The following TBCD variants were observed in gnomAD, a reference collection of about 807,000 sequenced individuals.
TBCD encodes the protein tubulin-specific chaperone D.
Under a neutral mutation model 169.3 loss-of-function variants are expected in TBCD, and 105 were observed. The observed-to-expected ratio is 0.62, with a 90% CI of 0.53 to 0.73. The LOEUF is 0.73. Ranked by LOEUF, TBCD falls within the 30% of genes least tolerant of loss-of-function variation. The probability of loss-of-function intolerance (pLI) is 0.00; values close to 1 mark genes in which losing one functional copy is unlikely to be tolerated. For missense variants in TBCD, 1,444 were observed against 1,600.1 expected (o/e 0.90, Z 1.66); for synonymous variants, 700 against 643.9 (o/e 1.09, Z -1.32).
In TBCD at chr17:82,875,981, A is replaced by G. The variant is rs77242156; in HGVS notation, c.1475+5601A>G. 7.4e-3 allele frequency among the ~76,000 whole-genome samples: 1,121 copies of G among 152,378 alleles called. 12 individuals are homozygous for G. Among genetic ancestry groups the G allele is most frequent in the African/African-American group, 0.026 (1,082 of 41,590 alleles). ...ATATGATTTGCAACTTTCAAAAAAC[A>G]GGATGGCTAAATAACAAATTACTAG... On this transcript the variant is annotated intron_variant, in intron 14 of 38. Coordinates refer to ENST00000355528, the MANE Select transcript of TBCD (RefSeq NM_005993.5).
intron 13 of TBCD, among the ~76,000 whole-genome samples, chr17:82,853,569 A>G (rs1177599310): frequency 6.8e-6 from 1 of 148,078 alleles, no homozygotes; most frequent in Non-Finnish European, 1.5e-5. Flanking sequence ...CACCCAGCTC[A>G]TTTTTTCTTT....
At chr17:82,931,835 G>C (rs1275325324) in intron 33 of TBCD, 1 of 152,316 alleles carries the variant, frequency 6.6e-6, no homozygotes, top group African/African-American at 2.4e-5. Context: ...GGCTCACACA[G>C]AGGCGAATGT....
chr17:82,941,748 C>T (rs1220910592), intron 38 of TBCD: 1 of 511,496 alleles, frequency 2.0e-6, no homozygotes, highest in South Asian at 2.6e-5. Flanking sequence ...CCAGCTTGAT[C>T]CAGGCTCCTC....
chr17:82,813,656 A>T (rs998545915), intron 12 of TBCD, among the ~76,000 whole-genome samples: 2 of 152,234 alleles, frequency 1.3e-5, no homozygotes, highest in African/African-American at 4.8e-5. Flanking sequence ...TGTCAAGTTC[A>T]TTCAGATGTT....
chr17:82,891,008 C>T (rs895523444), intron 16 of TBCD, among the ~76,000 whole-genome samples: 1 of 152,246 alleles, frequency 6.6e-6, no homozygotes, highest in African/African-American at 2.4e-5. Flanking sequence ...GGCTTCCAGC[C>T]CCTCCAGAGC....
At chr17:82,870,121 T>A in intron 13 of TBCD, 103 bp from the exon 14 acceptor site, 1 of 1,513,690 alleles carries the variant, frequency 6.6e-7, no homozygotes, top group South Asian at 1.2e-5. Context: ...CTCACTCATC[T>A]GGCACCGTGA....
At chr17:82,939,841 G>A (rs1359095316) in intron 37 of TBCD, among the ~76,000 whole-genome samples, 1 of 152,226 alleles carries the variant, frequency 6.6e-6, no homozygotes, top group East Asian at 1.9e-4. Context: ...AATAGGCCGT[G>A]TGAGCACCTG....
At chr17:82,826,244 T>A (rs928803257) in intron 13 of TBCD, among the ~76,000 whole-genome samples, 1 of 152,142 alleles carries the variant, frequency 6.6e-6, no homozygotes. Context: ...ATTATTTTTT[T>A]AACTATACTT....
At chr17:82,858,188 A>C (rs1236155837) in intron 13 of TBCD, among the ~76,000 whole-genome samples, 1 of 152,170 alleles carries the variant, frequency 6.6e-6, no homozygotes, top group Non-Finnish European at 1.5e-5. Flanking sequence ...TGCTGGGATT[A>C]CGAACATGAG....
Position 82,874,418 on chromosome 17 carries a change from CT to C in TBCD, c.1475+4039del, listed in dbSNP as rs976641157. On this transcript the variant is annotated intron_variant, in intron 14 of 38. Transcript: ENST00000355528. This position sits in a 1 kb window ranked among gnomAD's most constrained non-coding sequence, Gnocchi z 5.0. ...TGGTTTTTGGAGGTCCTGGGTGCGT[CT>C]CCACCATGGCTCCCGGGTTCCCTTG... 2.0e-5 allele frequency among the ~76,000 whole-genome samples: 3 copies of C among 152,140 alleles called. No homozygotes were observed. Among genetic ancestry groups the C allele is most frequent in the Non-Finnish European group, 4.4e-5 (3 of 68,006 alleles).
chr17:82,883,514 G>T (rs1246387345), intron 14 of TBCD, among the ~76,000 whole-genome samples: 3 of 152,204 alleles, frequency 2.0e-5, no homozygotes, highest in Non-Finnish European at 2.9e-5. Flanking sequence ...AGTGTGGCTC[G>T]CATGGGGGCA....
intron 13 of TBCD, among the ~76,000 whole-genome samples, chr17:82,856,427 T>C (rs116126133): frequency 0.01 from 1,549 of 151,848 alleles, 27 homozygotes; most frequent in African/African-American, 0.036. Flanking sequence ...GGCTAGATGG[T>C]GAGACCCTGT....
At position 82,782,540 on chromosome 17, in the gene TBCD, CTATG is replaced by C. The variant is rs1447411346; in HGVS notation, c.771+822_771+825del. Among the ~76,000 whole-genome samples the C allele has an allele frequency of 6.6e-6, 1 of 152,144 alleles. No homozygotes were observed. The highest frequency in any genetic ancestry group is 2.4e-5 in the African/African-American group (1 of 41,422). Reference sequence around the variant, plus strand: ...TATATTTTATAGAGACAGGGTCTTGCTATGTAGGTCAGGGTGGTCTTAAACTCCT... The same window carrying C: ...TATATTTTATAGAGACAGGGTCTTGCTAGGTCAGGGTGGTCTTAAACTCCT... On this transcript the variant is annotated intron_variant, in intron 7 of 38. Coordinates refer to ENST00000355528, the MANE Select transcript of TBCD (RefSeq NM_005993.5). The surrounding 1 kb of genome is among the most constrained non-coding windows in gnomAD (Gnocchi z 5.1).
At position 82,806,257 on chromosome 17, in the gene TBCD, C is replaced by G. The variant is rs1222903473; in HGVS notation, c.1087+246C>G. ...CCCACCGCCTCGCCTCCTTCCTGAC[C>G]TGGGCTGCCTGTTCTGGGCAGCTGG... On this transcript the variant is annotated intron_variant, in intron 10 of 38. Coordinates refer to ENST00000355528, the MANE Select transcript of TBCD (RefSeq NM_005993.5). This position sits in a 1 kb window ranked among gnomAD's most constrained non-coding sequence, Gnocchi z 5.1. Among the ~76,000 whole-genome samples the G allele has an allele frequency of 6.6e-6, 1 of 152,162 alleles. No individual in the cohort carries two copies. Among genetic ancestry groups the G allele is most frequent in the African/African-American group, 2.4e-5 (1 of 41,438 alleles).
At chr17:82,861,042 G>A (rs1002222856) in intron 13 of TBCD, among the ~76,000 whole-genome samples, 5 of 152,158 alleles carry the variant, frequency 3.3e-5, no homozygotes, top group Non-Finnish European at 5.9e-5. Flanking sequence ...GTAAAACCGC[G>A]GCCCGTTGCA....
chr17:82,875,968 A>T lies in TBCD; in HGVS notation c.1475+5588A>T, dbSNP rs147075043. Among the ~76,000 whole-genome samples the T allele has an allele frequency of 8.3e-4, 126 of 152,362 alleles. 1 individual carries two copies. Among genetic ancestry groups the T allele is most frequent in the African/African-American group, 3.0e-3 (125 of 41,580 alleles). On this transcript the variant is annotated intron_variant, in intron 14 of 38. Coordinates refer to ENST00000355528, the MANE Select transcript of TBCD (RefSeq NM_005993.5). The stretch of plus-strand genomic sequence containing the variant: ...ATAGGCAGGTCCGATATGATTTGCA[A>T]CTTTCAAAAAACAGGATGGCTAAAT...
At chr17:82,931,780 C>A (rs1269471584) in intron 33 of TBCD, among the ~76,000 whole-genome samples, 1 of 152,206 alleles carries the variant, frequency 6.6e-6, no homozygotes, top group African/African-American at 2.4e-5. Context: ...AGGGGACCTC[C>A]CCAGCCTCCT....
intron 13 of TBCD, among the ~76,000 whole-genome samples, chr17:82,815,673 T>C (rs937311773): frequency 6.6e-6 from 1 of 152,114 alleles, no homozygotes; most frequent in Non-Finnish European, 1.5e-5. Flanking sequence ...CAGGATAGAG[T>C]GGGGGCCCAT....
At position 82,854,086 on chromosome 17, in the gene TBCD, A is replaced by G. The variant is rs76105439; in HGVS notation, c.1319-16138A>G. 7.4e-3 allele frequency among the ~76,000 whole-genome samples: 1,125 copies of G among 152,300 alleles called. 8 individuals are homozygous for G. Among genetic ancestry groups the G allele is most frequent in the African/African-American group, 0.026 (1,072 of 41,552 alleles). On this transcript the variant is annotated intron_variant, in intron 13 of 38. Transcript: ENST00000355528. ...TTAGCCTACCCTCCAAGTAACACAC[A>G]GCACACCCTGACCTCGATCACTTTC... is the stretch of plus-strand genomic sequence containing the variant.
Sources: allele counts gnomAD v4.1 joint callset (sites outside exome capture counted in the v4.1 genomes callset), GRCh38; gene constraint gnomAD v4.1.1; non-coding constraint Gnocchi (gnomAD v3.1); transcripts MANE v1.5; gene names NCBI Gene and HGNC (gene_info 2026-07-23, HGNC 2026-07-21).